Variants in CADPS2 observed in about 807,000 individuals in gnomAD.
The protein encoded by CADPS2 is calcium dependent secretion activator 2, also known as calcium-dependent secretion activator 2.
In CADPS2, 93 loss-of-function variants were observed where a neutral mutation model predicts 172.5. That is an observed-to-expected ratio of 0.54 (90% CI 0.46 to 0.64). The LOEUF is 0.64. Ranked by LOEUF, CADPS2 falls within the 30% of genes least tolerant of loss-of-function variation. The pLI is 0.00. For synonymous variants in CADPS2, 546 were observed against 555.2 expected (o/e 0.98, Z 0.23); for missense variants, 1,420 against 1,565.9 (o/e 0.91, Z 1.57).
At chr7:122,660,373 C>A (rs2159828) in intron 3 of CADPS2, among the ~76,000 whole-genome samples, 1 of 152,062 alleles carries the variant, frequency 6.6e-6, no homozygotes, top group Admixed American at 6.6e-5. Context: ...AATTTTGTTT[C>A]GTTTTTTAAA....
chr7:122,658,022 A>T (rs1427610120), intron 3 of CADPS2, among the ~76,000 whole-genome samples: 3 of 152,128 alleles, frequency 2.0e-5, no homozygotes, highest in East Asian at 1.9e-4. Flanking sequence ...GAATCTACAA[A>T]GAACTCAAAC....
At chr7:122,346,908 C>T (rs747356133) in intron 27 of CADPS2, among the ~76,000 whole-genome samples, 36 of 152,130 alleles carry the variant, frequency 2.4e-4, no homozygotes, top group Non-Finnish European at 5.3e-4. Context: ...GGCTTGGTTC[C>T]TAATCTGTAT....
chr7:122,775,546 T>A (rs2093852545), intron 1 of CADPS2, among the ~76,000 whole-genome samples: 1 of 152,204 alleles, frequency 6.6e-6, no homozygotes. Flanking sequence ...AGGCAACATA[T>A]TTATTTGGTA....
At position 122,621,615 on chromosome 7, in the gene CADPS2, G is replaced by T. The variant is rs1300153910; in HGVS notation, c.970C>A (p.Pro324Thr). The T allele has an allele frequency of 1.9e-6, 3 of 1,613,582 alleles. No homozygotes were observed. Among genetic ancestry groups the T allele is most frequent in the Non-Finnish European group, 2.5e-6 (3 of 1,179,708 alleles). ...AATTCCGGACCACCTTTCGAAACTGGAAGACTTTCCAAATTGGCCATTAGC... is the reference window on the plus strand; with the variant it reads ...AATTCCGGACCACCTTTCGAAACTGTAAGACTTTCCAAATTGGCCATTAGC... ...NLLMANLESL[P>T]VSKGGPEFKL... The change falls in exon 5 of 30, where the codon CCA becomes ACA. Residue 324 changes from proline (P) to threonine (T), a missense_variant. By Grantham distance (38) the Pro-to-Thr change is conservative. Transcript: ENST00000449022.
intron 1 of CADPS2, among the ~76,000 whole-genome samples, chr7:122,840,564 A>G (rs1228846398): frequency 3.3e-5 from 5 of 152,076 alleles, no homozygotes; most frequent in South Asian, 2.1e-4. Context: ...AAAAAAAAAA[A>G]AAAAGAAAAG....
chr7:122,379,224 C>T, intron 25 of CADPS2, 144 bp downstream of exon 25: 2 of 526,148 alleles, frequency 3.8e-6, no homozygotes, highest in African/African-American at 1.9e-5. Flanking sequence ...TTTTTTGCTC[C>T]CAACTTTTCT....
At chr7:122,565,868 A>G (rs1187349839) in intron 7 of CADPS2, among the ~76,000 whole-genome samples, 1 of 152,168 alleles carries the variant, frequency 6.6e-6, no homozygotes, top group Non-Finnish European at 1.5e-5. Flanking sequence ...CATGCCATAC[A>G]ACAGATTTCT....
At chr7:122,428,631 C>T (rs796083452) in intron 17 of CADPS2, among the ~76,000 whole-genome samples, 7 of 151,876 alleles carry the variant, frequency 4.6e-5, no homozygotes, top group African/African-American at 1.7e-4. Flanking sequence ...CTATGCCTGG[C>T]TAAGTTTGTA....
At chr7:122,554,502 A>T in intron 8 of CADPS2, 48 bp downstream of exon 8, 1 of 1,529,726 alleles carries the variant, frequency 6.5e-7, no homozygotes, top group South Asian at 1.3e-5. Context: ...TAATACACTG[A>T]AATGAAATTC....
intron 1 of CADPS2, among the ~76,000 whole-genome samples, chr7:122,874,010 T>A (rs1820537097): frequency 6.6e-6 from 1 of 152,032 alleles, no homozygotes; most frequent in Non-Finnish European, 1.5e-5. Context: ...TTGATGGGTT[T>A]TTTTTTTCTT....
chr7:122,353,078 AGCACAGGGATTATAGGTTGGT>A (rs1169912178), intron 27 of CADPS2, among the ~76,000 whole-genome samples: 2 of 152,286 alleles, frequency 1.3e-5, no homozygotes, highest in East Asian at 3.9e-4. Flanking sequence ...TGAGGGAGGC[AGCACAGGGATTATAGGTTGGT>A]GCAGAAGTGA....
At chr7:122,707,637 A>G (rs1357864824) in intron 2 of CADPS2, among the ~76,000 whole-genome samples, 1 of 151,984 alleles carries the variant, frequency 6.6e-6, no homozygotes, top group African/African-American at 2.4e-5. Context: ...ACAACTATGT[A>G]TGTTTTTTTT....
intron 17 of CADPS2, among the ~76,000 whole-genome samples, chr7:122,433,050 T>TG (rs2050165748): frequency 1.3e-5 from 2 of 152,202 alleles, no homozygotes; most frequent in African/African-American, 4.8e-5. Flanking sequence ...CATGGCTCAC[T>TG]GCAGTCTTAA....
At chr7:122,393,360 A>G (rs768523300) in intron 21 of CADPS2, 45 bp from the exon 22 acceptor site, 34 of 1,613,588 alleles carry the variant, frequency 2.1e-5, no homozygotes, top group Non-Finnish European at 2.3e-5. Context: ...CATAAGCGAT[A>G]ACTACAGATG....
chr7:122,621,451 C>A, intron 5 of CADPS2, 30 bp downstream of exon 5: 1 of 1,373,324 alleles, frequency 7.3e-7, no homozygotes, highest in South Asian at 1.2e-5. Flanking sequence ...TTTATGCTGT[C>A]AGAGGTGAGC....
chr7:122,747,109 C>G (rs1459696725), intron 1 of CADPS2, among the ~76,000 whole-genome samples: 1 of 151,972 alleles, frequency 6.6e-6, no homozygotes, highest in Admixed American at 6.6e-5. Context: ...TGGCAAACAG[C>G]AATTGAGAGA....
chr7:122,594,793 C>T (rs1469214329), intron 6 of CADPS2, among the ~76,000 whole-genome samples: 1 of 151,182 alleles, frequency 6.6e-6, no homozygotes, highest in Non-Finnish European at 1.5e-5. Flanking sequence ...TTTTACTTGA[C>T]CAAGTAAAAT....
At chr7:122,345,814 G>T (rs971471259) in intron 27 of CADPS2, 133 bp from the exon 28 acceptor site, 2 of 560,870 alleles carry the variant, frequency 3.6e-6, no homozygotes, top group South Asian at 2.6e-5. Context: ...AACCAAAAGT[G>T]AGCATCTTCA....
chr7:122,487,184 A>AT (rs1477213805), intron 11 of CADPS2, among the ~76,000 whole-genome samples: 1 of 151,660 alleles, frequency 6.6e-6, no homozygotes, highest in Non-Finnish European at 1.5e-5. Context: ...CTAATTTTGC[A>AT]TTTTTTGTAG....
Sources: allele counts gnomAD v4.1 joint callset (sites outside exome capture counted in the v4.1 genomes callset), GRCh38; gene constraint gnomAD v4.1.1; transcripts MANE v1.5; gene names NCBI Gene and HGNC (gene_info 2026-07-23, HGNC 2026-07-21).